DTX4: variants seen among roughly 807,000 people sequenced by gnomAD.
DTX4 encodes E3 ubiquitin-protein ligase DTX4.
Under a neutral mutation model 57.6 loss-of-function variants are expected in DTX4, and 28 were observed. The observed-to-expected ratio is 0.49, with a 90% CI of 0.36 to 0.67. The LOEUF is 0.67. DTX4 is among the 30% of genes least tolerant of loss of function. DTX4 has a pLI of 0.00. For missense variants in DTX4, 715 were observed against 836.8 expected (o/e 0.85, Z 1.80); for synonymous variants, 316 against 331.0 (o/e 0.95, Z 0.49).
rs1862837714 is a variant in DTX4, at chr11:59,208,052, A to G, written c.*3143A>G. 6.6e-6 allele frequency: 1 copy of G among 152,308 alleles called. No individual in the cohort carries two copies. The highest frequency in any genetic ancestry group is 2.4e-5 in the African/African-American group (1 of 41,306). The allele number at this position is 152,308 out of a possible 1,614,324, so 9.4% of individuals were successfully genotyped here. ...AGAGGCAGGTGAATGTCCTAAGTGA[A>G]TTGTTCTGTTTGTAACTGGAATGTT... On this transcript the variant is annotated 3_prime_UTR_variant, in exon 9 of 9. Transcript: ENST00000227451.
chr11:59,198,974 C>A (rs1862708119), intron 7 of DTX4, among the ~76,000 whole-genome samples: 1 of 152,140 alleles, frequency 6.6e-6, no homozygotes, highest in Non-Finnish European at 1.5e-5. Flanking sequence ...TTTTTTCTCA[C>A]CAAGTGGCCT....
At chr11:59,204,526 A>C in intron 8 of DTX4, 150 bp from the exon 9 acceptor site, 1 of 722,368 alleles carries the variant, frequency 1.4e-6, no homozygotes, top group Non-Finnish European at 2.3e-6. Flanking sequence ...CCCAAACTCC[A>C]AGTCCAAATC....
At chr11:59,202,716 G>A (rs1862754232) in intron 8 of DTX4, among the ~76,000 whole-genome samples, 1 of 152,168 alleles carries the variant, frequency 6.6e-6, no homozygotes, top group Non-Finnish European at 1.5e-5. Context: ...CTAGCTATAA[G>A]ACCAAGGCAA....
chr11:59,189,425 T>G (rs527303183), intron 4 of DTX4, 102 bp downstream of exon 4: 7 of 1,196,854 alleles, frequency 5.8e-6, no homozygotes, highest in South Asian at 4.8e-5. Flanking sequence ...CTTCACCCTC[T>G]GTGCCTCAAT....
intron 1 of DTX4, among the ~76,000 whole-genome samples, chr11:59,178,589 C>T (rs1273504831): frequency 6.6e-6 from 1 of 152,208 alleles, no homozygotes; most frequent in Non-Finnish European, 1.5e-5. Context: ...CTGCCAGACA[C>T]TGCATTAGGC....
At position 59,178,259 on chromosome 11, in the gene DTX4, G is replaced by A. The variant is rs185405840; in HGVS notation, c.212-3480G>A. Among the ~76,000 whole-genome samples the A allele has an allele frequency of 1.6e-3, 247 of 152,248 alleles. 2 individuals carry two copies. The highest frequency in any genetic ancestry group is 7.0e-3 in the Admixed American group (107 of 15,304). ...GGCAGTTAGGCTATGAGGGGGCCAT[G>A]TATGTTGGTGGGTAGGGGGGATTTA... On this transcript the variant is annotated intron_variant, in intron 1 of 8. Coordinates refer to ENST00000227451, the MANE Select transcript of DTX4 (RefSeq NM_015177.2).
chr11:59,182,540 AG>A, intron 2 of DTX4, 78 bp downstream of exon 2: 2 of 1,447,246 alleles, frequency 1.4e-6, no homozygotes, highest in Non-Finnish European at 1.8e-6. Context: ...GATCAGAAGG[AG>A]GGGCTGCCAA....
rs1479670636 is a variant in DTX4 at position 59,172,310 on chromosome 11, G to A, written c.-286G>A. Among the ~76,000 whole-genome samples the A allele has an allele frequency of 1.3e-5, 2 of 151,928 alleles. No homozygotes were observed. Among genetic ancestry groups the A allele is most frequent in the Non-Finnish European group, 2.9e-5 (2 of 67,928 alleles). On this transcript the variant is annotated 5_prime_UTR_variant, in exon 1 of 9. Transcript: ENST00000227451. ...CGGGGGCCTGTTTGCAGAGAGCCGG[G>A]CATTTGCATGAAGCGACTCGACCCC... is the stretch of plus-strand genomic sequence containing the variant.
intron 8 of DTX4, among the ~76,000 whole-genome samples, chr11:59,200,367 T>C (rs545621311): frequency 6.6e-6 from 1 of 152,292 alleles, no homozygotes; most frequent in South Asian, 2.1e-4. Flanking sequence ...TTGTTTCCTC[T>C]CTCGGGTATT....
At chr11:59,193,602 C>T (rs1347767573) in intron 6 of DTX4, among the ~76,000 whole-genome samples, 3 of 152,174 alleles carry the variant, frequency 2.0e-5, no homozygotes, top group Non-Finnish European at 4.4e-5. Flanking sequence ...TATGGTAACT[C>T]TACATTTATT....
chr11:59,202,719 C>A (rs551403782), intron 8 of DTX4, among the ~76,000 whole-genome samples: 4 of 152,158 alleles, frequency 2.6e-5, no homozygotes, highest in Non-Finnish European at 4.4e-5. Context: ...GCTATAAGAC[C>A]AAGGCAAGTC....
At chr11:59,177,705 C>T (rs1233145171) in intron 1 of DTX4, among the ~76,000 whole-genome samples, 1 of 152,214 alleles carries the variant, frequency 6.6e-6, no homozygotes, top group East Asian at 1.9e-4. Context: ...CCCTTCACCC[C>T]CCCAGCTAGC....
chr11:59,185,956 G>T (rs1217522111), intron 2 of DTX4, among the ~76,000 whole-genome samples: 1 of 152,154 alleles, frequency 6.6e-6, no homozygotes, highest in East Asian at 1.9e-4. Context: ...ACGCAGAGAG[G>T]CTGTGCGGCT....
At chr11:59,191,677 G>T (rs900531980) in intron 5 of DTX4, among the ~76,000 whole-genome samples, 2 of 152,204 alleles carry the variant, frequency 1.3e-5, no homozygotes, top group African/African-American at 2.4e-5. Context: ...ATAGTTCTGA[G>T]GTTTAGAAAC....
intron 2 of DTX4, among the ~76,000 whole-genome samples, chr11:59,183,132 G>T (rs1053623558): frequency 6.6e-6 from 1 of 152,194 alleles, no homozygotes; most frequent in Non-Finnish European, 1.5e-5. Flanking sequence ...CATTGGCAGA[G>T]AATGGGATTC....
At chr11:59,197,874 G>A (rs963196293) in intron 7 of DTX4, among the ~76,000 whole-genome samples, 2 of 152,118 alleles carry the variant, frequency 1.3e-5, no homozygotes, top group African/African-American at 4.8e-5. Context: ...GACAAACGTG[G>A]GGCTACCATT....
Position 59,195,237 on chromosome 11 carries a change from G to C in DTX4, c.1404G>C (p.Lys468Asn). The change falls in exon 7 of 9, where the codon AAG (lysine) becomes AAC (asparagine). Residue 468 changes from lysine (K) to asparagine (N), a missense_variant. Transcript: ENST00000227451. ...GAAGTTTGCAGTGTCCAACCTGCAA[G>C]ACCATTTATGGGGTGAAGACAGGCA... ...KDGSLQCPTCKTIYGVKTGTQ... is the reference protein window; with the variant it reads ...KDGSLQCPTCNTIYGVKTGTQ... The C allele has an allele frequency of 1.2e-6, 2 of 1,614,016 alleles. No homozygotes were observed. Among genetic ancestry groups the C allele is most frequent in the African/African-American group, 1.3e-5 (1 of 75,052 alleles).
chr11:59,202,761 G>C (rs1273857177), intron 8 of DTX4, among the ~76,000 whole-genome samples: 2 of 152,166 alleles, frequency 1.3e-5, no homozygotes, highest in East Asian at 3.8e-4. Context: ...TTCCTTGAGA[G>C]GGATGATGAG....
chr11:59,202,827 T>C (rs1459130594), intron 8 of DTX4, among the ~76,000 whole-genome samples: 1 of 152,198 alleles, frequency 6.6e-6, no homozygotes, highest in African/African-American at 2.4e-5. Context: ...GACAGCTTCA[T>C]CATCATACAA....
Sources: allele counts gnomAD v4.1 joint callset (sites outside exome capture counted in the v4.1 genomes callset), GRCh38; gene constraint gnomAD v4.1.1; transcripts MANE v1.5; gene names NCBI Gene and HGNC (gene_info 2026-07-23, HGNC 2026-07-21).